The following PKP4 variants were observed in gnomAD, a reference collection of about 807,000 sequenced individuals.
The protein encoded by PKP4 is plakophilin 4, also known as plakophilin-4.
In PKP4, 90 loss-of-function variants were observed where a neutral mutation model predicts 145.1. The ratio of observed to expected loss-of-function variants is 0.62; its 90% CI spans 0.52 to 0.74. The LOEUF (loss-of-function observed/expected upper bound fraction) is 0.74, where lower values mean the gene tolerates loss of function less well. PKP4 is among the 30% of genes least tolerant of loss of function. PKP4 has a pLI of 0.00. For missense variants in PKP4, 1,340 were observed against 1,482.7 expected, an observed-to-expected ratio of 0.90 and a Z score of 1.58; for synonymous variants, 563 against 577.2, an observed-to-expected ratio of 0.98 and a Z score of 0.35.
At chr2:158,556,792 G>A (rs975898835) in intron 2 of PKP4, among the ~76,000 whole-genome samples, 11 of 152,182 alleles carry the variant, frequency 7.2e-5, no homozygotes, top group Non-Finnish European at 1.5e-4. Context: ...TTTAGATAAT[G>A]TCAAAGAAAG....
intron 2 of PKP4, among the ~76,000 whole-genome samples, chr2:158,550,712 A>C (rs2045547714): frequency 1.3e-5 from 2 of 152,256 alleles, no homozygotes; most frequent in Non-Finnish European, 2.9e-5. Flanking sequence ...ACAGTGTTTG[A>C]AACTTTTTAT....
chr2:158,530,437 AG>A (rs2043412911), intron 1 of PKP4, among the ~76,000 whole-genome samples: 1 of 149,026 alleles, frequency 6.7e-6, no homozygotes. Context: ...AAGCAAATTG[AG>A]GTCACTGAGG....
At chr2:158,639,428 T>C (rs986954581) in intron 9 of PKP4, among the ~76,000 whole-genome samples, 7 of 152,098 alleles carry the variant, frequency 4.6e-5, no homozygotes, top group African/African-American at 1.7e-4. Context: ...CATGGAGACT[T>C]CCCAGATCAA....
At chr2:158,615,848 T>G (rs1364638188) in intron 4 of PKP4, among the ~76,000 whole-genome samples, 1 of 152,316 alleles carries the variant, frequency 6.6e-6, no homozygotes, top group East Asian at 1.9e-4. Context: ...GAGGCCTTTT[T>G]ATACAACACT....
At chr2:158,506,515 A>T (rs1335528729) in intron 1 of PKP4, among the ~76,000 whole-genome samples, 1 of 152,184 alleles carries the variant, frequency 6.6e-6, no homozygotes, top group Non-Finnish European at 1.5e-5. Context: ...AAATGTTTAG[A>T]TATGTGTCAA....
chr2:158,482,684 A>C (rs1693541728), intron 1 of PKP4, among the ~76,000 whole-genome samples: 1 of 152,048 alleles, frequency 6.6e-6, no homozygotes, highest in Admixed American at 6.6e-5. Flanking sequence ...AAAAATAAGC[A>C]AATTAACTGG....
intron 11 of PKP4, among the ~76,000 whole-genome samples, chr2:158,645,409 C>T (rs2054729601): frequency 2.0e-5 from 3 of 152,182 alleles, no homozygotes; most frequent in South Asian, 4.1e-4. Context: ...TACCCTGAGC[C>T]TACTGTTAGG....
chr2:158,550,165 G>A (rs1459476196), intron 2 of PKP4, among the ~76,000 whole-genome samples: 1 of 101,086 alleles, frequency 9.9e-6, no homozygotes, highest in East Asian at 2.3e-4. Context: ...CTATTAATGT[G>A]GAAAAATGTT....
chr2:158,567,859 G>A (rs977449660), intron 2 of PKP4, among the ~76,000 whole-genome samples: 1 of 152,222 alleles, frequency 6.6e-6, no homozygotes, highest in Non-Finnish European at 1.5e-5. Context: ...TGCTAAAGAT[G>A]TGAACTGACA....
At chr2:158,648,977 G>A (rs180961437) in intron 11 of PKP4, among the ~76,000 whole-genome samples, 101 of 152,286 alleles carry the variant, frequency 6.6e-4, no homozygotes, top group African/African-American at 2.3e-3. Flanking sequence ...CAGCCTGGGC[G>A]ACAGAGACTC....
intron 1 of PKP4, among the ~76,000 whole-genome samples, chr2:158,525,981 G>A (rs2105590378): frequency 6.6e-6 from 1 of 151,216 alleles, no homozygotes; most frequent in South Asian, 2.1e-4. Flanking sequence ...CTGAAATTGT[G>A]GCAATAATCA....
At chr2:158,503,662 G>A (rs1054078612) in intron 1 of PKP4, among the ~76,000 whole-genome samples, 2 of 152,142 alleles carry the variant, frequency 1.3e-5, no homozygotes, top group Non-Finnish European at 2.9e-5. Context: ...TAGCAGCTGA[G>A]CAAAGTTTGT....
chr2:158,641,344 A>C (rs1380822616), intron 10 of PKP4, among the ~76,000 whole-genome samples: 1 of 151,908 alleles, frequency 6.6e-6, no homozygotes, highest in African/African-American at 2.4e-5. Context: ...AAAAAAAAAA[A>C]ATTATTAGGT....
chr2:158,466,659 T>C (rs915898161), intron 1 of PKP4, among the ~76,000 whole-genome samples: 11 of 152,142 alleles, frequency 7.2e-5, no homozygotes, highest in Non-Finnish European at 1.3e-4. Context: ...GGGCAGAGAT[T>C]GCACCACTGC....
chr2:158,631,634 T>C (rs777517821), intron 7 of PKP4, 119 bp from the exon 8 acceptor site: 99 of 844,828 alleles, frequency 1.2e-4, no homozygotes, highest in Non-Finnish European at 1.8e-4. Context: ...CAAGCCATTC[T>C]CCCACCTCTG....
chr2:158,594,959 C>T (rs2049595156), intron 3 of PKP4, among the ~76,000 whole-genome samples: 2 of 152,166 alleles, frequency 1.3e-5, no homozygotes, highest in Admixed American at 1.3e-4. Flanking sequence ...CACGTGTTGA[C>T]CTTCCTGTCT....
chr2:158,564,076 G>T (rs2046769299), intron 2 of PKP4, among the ~76,000 whole-genome samples: 1 of 152,086 alleles, frequency 6.6e-6, no homozygotes, highest in South Asian at 2.1e-4. Context: ...GTTGTAACAA[G>T]TGATACAATT....
At chr2:158,584,499 A>C (rs2048628638) in intron 3 of PKP4, among the ~76,000 whole-genome samples, 1 of 152,182 alleles carries the variant, frequency 6.6e-6, no homozygotes. Context: ...GAGAAGTTAC[A>C]CTAGTGGTTC....
intron 2 of PKP4, among the ~76,000 whole-genome samples, chr2:158,545,296 T>C (rs1027681205): frequency 2.0e-5 from 3 of 152,114 alleles, no homozygotes; most frequent in Non-Finnish European, 4.4e-5. Flanking sequence ...CTTTTTGCAC[T>C]TTCTGTAATC....
Sources: gnomAD v4.1 joint callset for allele counts (sites outside exome capture counted in the v4.1 genomes callset) on GRCh38, gnomAD v4.1.1 for gene constraint, MANE v1.5 for transcripts, NCBI Gene and HGNC (gene_info 2026-07-23, HGNC 2026-07-21) for gene names.